GRIK3: variants seen among roughly 807,000 people sequenced by gnomAD.
GRIK3 encodes the protein glutamate ionotropic receptor kainate type subunit 3, also known as glutamate receptor ionotropic, kainate 3.
Under a neutral mutation model 102.5 loss-of-function variants are expected in GRIK3, and 29 were observed. That is an observed-to-expected ratio of 0.28 (90% confidence interval 0.21 to 0.39). The LOEUF is 0.39. Among genes scored for constraint, GRIK3 ranks in the 10% least tolerant of loss-of-function variants. GRIK3 has a pLI of 1.00. For missense variants in GRIK3, 908 were observed against 1,252.4 expected (o/e 0.73, Z 4.15); for synonymous variants, 511 against 504.9 (o/e 1.01, Z -0.16).
intron 2 of GRIK3, among the ~76,000 whole-genome samples, chr1:36,881,647 G>A (rs189404033): frequency 3.3e-5 from 5 of 152,214 alleles, no homozygotes. Context: ...TTGGATTATT[G>A]CAGAAGCTTC....
intron 1 of GRIK3, among the ~76,000 whole-genome samples, chr1:36,935,616 G>A (rs2124318072): frequency 6.6e-6 from 1 of 152,222 alleles, no homozygotes; most frequent in South Asian, 2.1e-4. Context: ...TAGAGATATG[G>A]AAACTTCCCT....
At chr1:36,881,090 T>G (rs1640971811) in intron 2 of GRIK3, among the ~76,000 whole-genome samples, 199 bp from the exon 3 acceptor site, 1 of 152,080 alleles carries the variant, frequency 6.6e-6, no homozygotes, top group Admixed American at 6.5e-5. Context: ...CAAGACCACA[T>G]GAAGGTGGAA....
chr1:36,926,035 G>A (rs1012572078), intron 1 of GRIK3, among the ~76,000 whole-genome samples: 15 of 152,192 alleles, frequency 9.9e-5, no homozygotes, highest in African/African-American at 3.6e-4. Context: ...TAACTCCCAA[G>A]GTCACTGCAT....
At chr1:36,829,957 A>G (rs1345286268) in intron 10 of GRIK3, among the ~76,000 whole-genome samples, 2 of 152,198 alleles carry the variant, frequency 1.3e-5, no homozygotes, top group African/African-American at 2.4e-5. Context: ...CTCTTAGGAC[A>G]GGGGTCCTCC....
Position 36,880,590 on chromosome 1 carries a change from C to A in GRIK3, c.550+44G>T. 2 of 1,592,950 alleles carry A rather than the reference C, an allele frequency of 1.3e-6. No homozygotes were observed. Among genetic ancestry groups the A allele is most frequent in the East Asian group, 2.2e-5 (1 of 44,760 alleles). On this transcript the variant is annotated intron_variant, in intron 3 of 15. Coordinates refer to ENST00000373091, the MANE Select transcript of GRIK3 (RefSeq NM_000831.4). This position sits in a 1 kb window ranked among gnomAD's most constrained non-coding sequence, Gnocchi z 5.4. ...AAGAGCTTGATCCTGGGCCTCTGCCCCCCTCAACCGTTGCCCCCAGCCTAG... is the reference window on the plus strand; with the variant it reads ...AAGAGCTTGATCCTGGGCCTCTGCCACCCTCAACCGTTGCCCCCAGCCTAG...
intron 1 of GRIK3, among the ~76,000 whole-genome samples, chr1:37,005,268 C>A (rs977915851): frequency 1.3e-5 from 2 of 152,186 alleles, no homozygotes; most frequent in African/African-American, 4.8e-5. Flanking sequence ...GGCCCCATAC[C>A]TTACCTGTGG....
At chr1:36,935,010 A>G (rs965908972) in intron 1 of GRIK3, among the ~76,000 whole-genome samples, 4 of 152,020 alleles carry the variant, frequency 2.6e-5, no homozygotes, top group African/African-American at 7.3e-5. Flanking sequence ...AGTTCTTCCA[A>G]TCCCTTCCTC....
rs894001533 is a variant in GRIK3, at chr1:36,833,140, G to A, written c.1531-7314C>T. ...GGGGCTCAATCAAATTTTGCTGGAAGAATGAGCATCAAAATACCCCCAAGA... is the reference window on the plus strand; with the variant it reads ...GGGGCTCAATCAAATTTTGCTGGAAAAATGAGCATCAAAATACCCCCAAGA... On this transcript the variant is annotated intron_variant, in intron 10 of 15. Transcript: ENST00000373091. Among the ~76,000 whole-genome samples the A allele has an allele frequency of 2.6e-5, 4 of 152,128 alleles. No homozygotes were observed. The South Asian group carries it at 6.2e-4, about 24-fold the overall frequency.
chr1:37,032,669 C>T (rs1642840894), intron 1 of GRIK3, among the ~76,000 whole-genome samples: 1 of 152,152 alleles, frequency 6.6e-6, no homozygotes, highest in Non-Finnish European at 1.5e-5. Context: ...CCTCTGCCTC[C>T]GGTGCTGGTG....
rs1394486864 is a variant in GRIK3 at position 36,846,016 on chromosome 1, G to A, written c.1327-4077C>T. On this transcript the variant is annotated intron_variant, in intron 9 of 15. Coordinates refer to ENST00000373091, the MANE Select transcript of GRIK3 (RefSeq NM_000831.4). ...CACCCACCCACACACCCGCACGCAT[G>A]CCCACACCGTGACACCATGGCTCAC... 2.0e-5 allele frequency among the ~76,000 whole-genome samples: 3 copies of A among 152,242 alleles called. No homozygotes were observed. The South Asian group carries it at 6.2e-4, about 31-fold the overall frequency.
chr1:36,952,812 T>C (rs1170238072), intron 1 of GRIK3, among the ~76,000 whole-genome samples: 1 of 152,304 alleles, frequency 6.6e-6, no homozygotes, highest in South Asian at 2.1e-4. Context: ...GGGGGTCTAA[T>C]TTATACATGG....
At chr1:37,020,045 A>G (rs1642693478) in intron 1 of GRIK3, among the ~76,000 whole-genome samples, 1 of 151,910 alleles carries the variant, frequency 6.6e-6, no homozygotes, top group African/African-American at 2.4e-5. Context: ...AATTCCTCTG[A>G]CTCTATCATT....
chr1:36,859,371 C>A, intron 6 of GRIK3, 120 bp from the exon 7 acceptor site: 2 of 1,092,744 alleles, frequency 1.8e-6, no homozygotes, highest in Non-Finnish European at 2.6e-6. Context: ...AGCGAACAGG[C>A]CCAGAGGCCC....
intron 1 of GRIK3, among the ~76,000 whole-genome samples, chr1:37,011,033 G>T (rs1055775950): frequency 6.6e-6 from 1 of 152,236 alleles, no homozygotes; most frequent in East Asian, 1.9e-4. Flanking sequence ...GAGCCACCAC[G>T]CCCGGCCTAC....
At chr1:36,920,657 C>T (rs902181820) in intron 1 of GRIK3, among the ~76,000 whole-genome samples, 1 of 152,216 alleles carries the variant, frequency 6.6e-6, no homozygotes, top group Non-Finnish European at 1.5e-5. Context: ...TCCTGTGCTC[C>T]AGCCCTGTTC....
rs1050850780 is a variant in GRIK3, at chr1:36,799,063, G to A, written c.*2788C>T. The A allele has an allele frequency of 1.3e-5, 2 of 152,162 alleles. No homozygotes were observed. The highest frequency in any genetic ancestry group is 2.4e-5 in the African/African-American group (1 of 41,440). The allele number at this position is 152,162 out of a possible 1,614,324, so 9.4% of individuals were successfully genotyped here. ...GAAACTATACTGGACAAAGTAAGAC[G>A]GCGCTTAATGATTGTGTTTGCTGAC... On this transcript the variant is annotated 3_prime_UTR_variant, in exon 16 of 16. Coordinates refer to ENST00000373091, the MANE Select transcript of GRIK3 (RefSeq NM_000831.4).
chr1:36,889,908 A>G (rs144542820), intron 2 of GRIK3, among the ~76,000 whole-genome samples: 78 of 151,922 alleles, frequency 5.1e-4, no homozygotes, highest in Admixed American at 1.9e-3. Context: ...CTTTTTATTG[A>G]GCAGTTTTGG....
intron 1 of GRIK3, among the ~76,000 whole-genome samples, chr1:36,971,635 C>T (rs1047056698): frequency 6.6e-6 from 1 of 152,130 alleles, no homozygotes; most frequent in East Asian, 1.9e-4. Flanking sequence ...ATATCAGAAG[C>T]CTCTTAGAAG....
At chr1:36,975,375 A>T (rs1003916404) in intron 1 of GRIK3, among the ~76,000 whole-genome samples, 2 of 148,000 alleles carry the variant, frequency 1.4e-5, no homozygotes, top group African/African-American at 5.1e-5. Context: ...GCTCACTGCA[A>T]CCTCCACCTC....
Sources: allele counts gnomAD v4.1 joint callset (sites outside exome capture counted in the v4.1 genomes callset), GRCh38; gene constraint gnomAD v4.1.1; non-coding constraint Gnocchi (gnomAD v3.1); transcripts MANE v1.5; gene names NCBI Gene and HGNC (gene_info 2026-07-23, HGNC 2026-07-21).